The following CACNA2D1 variants were observed in gnomAD, a reference collection of about 807,000 sequenced individuals.
The protein encoded by CACNA2D1 is voltage-dependent calcium channel subunit alpha-2/delta-1.
Under a neutral mutation model 171.5 loss-of-function variants are expected in CACNA2D1, and 53 were observed. That is an observed-to-expected ratio of 0.31 (90% CI 0.25 to 0.39). The LOEUF is 0.39. Among genes scored for constraint, CACNA2D1 ranks in the 10% least tolerant of loss-of-function variants. CACNA2D1 has a pLI of 1.00. For missense variants in CACNA2D1, 903 were observed against 1,299.8 expected (o/e 0.69, Z 4.69); for synonymous variants, 442 against 443.1 (o/e 1.00, Z 0.03).
intron 1 of CACNA2D1, among the ~76,000 whole-genome samples, chr7:82,416,328 T>G (rs1217060161): frequency 6.6e-6 from 1 of 152,182 alleles, no homozygotes; most frequent in Non-Finnish European, 1.5e-5. Context: ...AATGACTGAA[T>G]AGTGATGTCA....
chr7:82,075,285 T>C (rs1808827463), intron 7 of CACNA2D1, among the ~76,000 whole-genome samples: 1 of 151,824 alleles, frequency 6.6e-6, no homozygotes, highest in Admixed American at 6.6e-5. Context: ...GATAACACAC[T>C]TAAAGCATTT....
intron 6 of CACNA2D1, among the ~76,000 whole-genome samples, chr7:82,091,681 T>G (rs1264390460): frequency 6.6e-6 from 1 of 152,236 alleles, no homozygotes; most frequent in Non-Finnish European, 1.5e-5. Context: ...AGAAGGGCTG[T>G]ATTTTGTATA....
intron 7 of CACNA2D1, among the ~76,000 whole-genome samples, chr7:82,069,773 G>T (rs2128990401): frequency 6.6e-6 from 1 of 151,876 alleles, no homozygotes; most frequent in South Asian, 2.1e-4. Flanking sequence ...ATTGAGGACT[G>T]ATTCTCTCGG....
chr7:82,021,574 T>G (rs1280479054), intron 12 of CACNA2D1, among the ~76,000 whole-genome samples: 1 of 152,096 alleles, frequency 6.6e-6, no homozygotes, highest in African/African-American at 2.4e-5. Flanking sequence ...CTGCTAGTAA[T>G]GAGCACCTAC....
At chr7:82,347,236 C>T (rs138296091) in intron 2 of CACNA2D1, among the ~76,000 whole-genome samples, 14 of 152,144 alleles carry the variant, frequency 9.2e-5, no homozygotes, top group African/African-American at 3.1e-4. Flanking sequence ...TTTTAGGATA[C>T]AATAAAGCAA....
intron 3 of CACNA2D1, among the ~76,000 whole-genome samples, chr7:82,189,918 G>T (rs188013934): frequency 1.1e-3 from 162 of 151,852 alleles, no homozygotes; most frequent in Non-Finnish European, 1.8e-3. Context: ...TTAATAAAAG[G>T]TTTACATTAG....
chr7:82,050,142 T>C (rs1805023377), intron 10 of CACNA2D1, among the ~76,000 whole-genome samples: 1 of 152,122 alleles, frequency 6.6e-6, no homozygotes, highest in Non-Finnish European at 1.5e-5. Context: ...ACATAGGAAA[T>C]GGAACAATTG....
At chr7:81,967,061 T>A in intron 31 of CACNA2D1, 108 bp downstream of exon 31, 1 of 734,200 alleles carries the variant, frequency 1.4e-6, no homozygotes, top group South Asian at 1.7e-5. Context: ...ATAGAATTTT[T>A]TAGCCTTTGA....
At chr7:82,136,602 C>A in intron 5 of CACNA2D1, 33 bp downstream of exon 5, 1 of 1,524,270 alleles carries the variant, frequency 6.6e-7, no homozygotes, top group Admixed American at 1.8e-5. Context: ...CTATAATTTT[C>A]TTGGAATTTA....
intron 3 of CACNA2D1, among the ~76,000 whole-genome samples, chr7:82,324,020 G>A (rs1239954011): frequency 6.6e-6 from 1 of 152,156 alleles, no homozygotes; most frequent in African/African-American, 2.4e-5. Flanking sequence ...TCCATGGAAT[G>A]TGGGAGGAAA....
At position 82,247,406 on chromosome 7, in the gene CACNA2D1, A is replaced by G. The variant is rs534846388; in HGVS notation, c.295-76797T>C. Among the ~76,000 whole-genome samples, 44 of 152,044 alleles carry G rather than the reference A, an allele frequency of 2.9e-4. No homozygotes were observed. The South Asian group carries it at 3.1e-3, about 11-fold the overall frequency. Reference sequence around the variant, plus strand: ...GCATCTGTAGCCCCAGCTACTTGAGAGGCTGAGGCAGGATGATGGCTTAAA... The same window carrying G: ...GCATCTGTAGCCCCAGCTACTTGAGGGGCTGAGGCAGGATGATGGCTTAAA... On this transcript the variant is annotated intron_variant, in intron 3 of 38. Coordinates refer to ENST00000356860, the MANE Select transcript of CACNA2D1 (RefSeq NM_000722.4).
chr7:82,115,694 T>A (rs964649874), intron 6 of CACNA2D1, among the ~76,000 whole-genome samples: 1 of 151,230 alleles, frequency 6.6e-6, no homozygotes, highest in Non-Finnish European at 1.5e-5. Flanking sequence ...ATAAAAAGAA[T>A]CATATATGCA....
At chr7:82,022,824 A>G (rs1801399925) in intron 12 of CACNA2D1, among the ~76,000 whole-genome samples, 3 of 151,936 alleles carry the variant, frequency 2.0e-5, no homozygotes, top group Admixed American at 6.6e-5. Flanking sequence ...ATTTATTGTC[A>G]AGTGATTATA....
intron 10 of CACNA2D1, among the ~76,000 whole-genome samples, chr7:82,042,867 C>T (rs1804128363): frequency 6.6e-6 from 1 of 152,106 alleles, no homozygotes. Context: ...AAATCTATCT[C>T]TTTTTTACAG....
intron 7 of CACNA2D1, among the ~76,000 whole-genome samples, chr7:82,067,032 A>C (rs1271517628): frequency 6.6e-6 from 1 of 152,162 alleles, no homozygotes; most frequent in Non-Finnish European, 1.5e-5. Flanking sequence ...ACTCCATAGA[A>C]AGCTGTTTTC....
intron 4 of CACNA2D1, among the ~76,000 whole-genome samples, chr7:82,159,882 T>G (rs566475700): frequency 1.2e-5 from 1 of 80,506 alleles, no homozygotes; most frequent in African/African-American, 5.1e-5. Context: ...AAACAGAAAA[T>G]GTAGCTCAAT....
At chr7:82,322,456 A>AAAG (rs1404875747) in intron 3 of CACNA2D1, among the ~76,000 whole-genome samples, 1 of 127,776 alleles carries the variant, frequency 7.8e-6, no homozygotes, top group African/African-American at 2.8e-5. Flanking sequence ...CTTTACAAAA[A>AAAG]AAAAAAAAAA....
At chr7:82,208,961 C>T (rs140390563) in intron 3 of CACNA2D1, among the ~76,000 whole-genome samples, 1 of 152,142 alleles carries the variant, frequency 6.6e-6, no homozygotes, top group African/African-American at 2.4e-5. Context: ...TTTTATTTGT[C>T]AATTGAAGTT....
chr7:81,951,969 G>GTTT (rs774805421), intron 38 of CACNA2D1, among the ~76,000 whole-genome samples: 1,702 of 71,310 alleles, frequency 0.024, 88 homozygotes, highest in African/African-American at 0.096. Context: ...TGTACAAAGT[G>GTTT]TTTTTTTTTT....
Sources: allele counts gnomAD v4.1 joint callset (sites outside exome capture counted in the v4.1 genomes callset), GRCh38; gene constraint gnomAD v4.1.1; transcripts MANE v1.5; gene names NCBI Gene and HGNC (gene_info 2026-07-23, HGNC 2026-07-21).